Variants in CREBL2 observed in about 807,000 individuals in gnomAD.
CREBL2 encodes cAMP-responsive element-binding protein-like 2.
CREBL2 carries 4 observed loss-of-function variants against 19.5 expected under a neutral mutation model. The observed-to-expected ratio is 0.20, with a 90% CI of 0.10 to 0.47. The LOEUF (loss-of-function observed/expected upper bound fraction) is 0.47. Ranked by LOEUF, CREBL2 falls within the 20% of genes least tolerant of loss-of-function variation. CREBL2 has a pLI of 0.98. For synonymous variants in CREBL2, 42 were observed against 46.6 expected (o/e 0.90, Z 0.40); for missense variants, 85 against 145.1 (o/e 0.59, Z 2.13).
intron 1 of CREBL2, among the ~76,000 whole-genome samples, chr12:12,618,493 C>G (rs914159537): frequency 6.6e-6 from 1 of 151,924 alleles, no homozygotes; most frequent in Admixed American, 6.6e-5. Flanking sequence ...CAGAGACGCT[C>G]CTCACTTCCT....
intron 1 of CREBL2, among the ~76,000 whole-genome samples, 200 bp from the exon 2 acceptor site, chr12:12,635,577 T>C (rs1200818831): frequency 6.6e-6 from 1 of 152,176 alleles, no homozygotes; most frequent in Admixed American, 6.5e-5. Flanking sequence ...ATTTCTTCTT[T>C]CACATTCATG....
chr12:12,618,708 G>A (rs1945335615), intron 1 of CREBL2, among the ~76,000 whole-genome samples: 1 of 152,186 alleles, frequency 6.6e-6, no homozygotes, highest in South Asian at 2.1e-4. Context: ...GTAGCGAGCC[G>A]AGATCGCGCC....
At chr12:12,620,152 T>C (rs1223185720) in intron 1 of CREBL2, among the ~76,000 whole-genome samples, 1 of 152,198 alleles carries the variant, frequency 6.6e-6, no homozygotes, top group East Asian at 1.9e-4. Context: ...CAACACTTTC[T>C]AGAAGACCAA....
chr12:12,642,759 A>C lies in CREBL2; in HGVS notation c.*761A>C, dbSNP rs1437667233. ...TCCATACTTGCAGAATAATTCATCA[A>C]ATTTTATTTTTAAGTGAAAAGTAAC... On this transcript the variant is annotated 3_prime_UTR_variant, in exon 4 of 4. Coordinates refer to ENST00000228865, the MANE Select transcript of CREBL2 (RefSeq NM_001310.4). 2 of 152,236 alleles carry C rather than the reference A, an allele frequency of 1.3e-5. No individual in the cohort carries two copies. The highest frequency in any genetic ancestry group is 6.5e-5 in the Admixed American group (1 of 15,278). The allele number at this position is 152,236 out of a possible 1,614,324, so 9.4% of individuals were successfully genotyped here.
At chr12:12,615,190 T>C (rs1447380174) in intron 1 of CREBL2, among the ~76,000 whole-genome samples, 1 of 151,998 alleles carries the variant, frequency 6.6e-6, no homozygotes, top group South Asian at 2.1e-4. Flanking sequence ...AATTTTTGTA[T>C]TTTTCTTAGA....
At chr12:12,614,585 A>T (rs994689644) in intron 1 of CREBL2, 3 of 223,596 alleles carry the variant, frequency 1.3e-5, no homozygotes, top group Non-Finnish European at 2.7e-5. Context: ...CCTCCACCTC[A>T]GCCTCCCAAG....
At chr12:12,629,706 C>T (rs1196370401) in intron 1 of CREBL2, among the ~76,000 whole-genome samples, 2 of 152,098 alleles carry the variant, frequency 1.3e-5, no homozygotes, top group Non-Finnish European at 2.9e-5. Context: ...GGAAAGCATT[C>T]AGTATTCTAC....
At chr12:12,633,024 C>T (rs1237298385) in intron 1 of CREBL2, among the ~76,000 whole-genome samples, 3 of 151,534 alleles carry the variant, frequency 2.0e-5, no homozygotes, top group Non-Finnish European at 2.9e-5. Flanking sequence ...ACCTCCACCT[C>T]CCACGTTCAA....
chr12:12,632,553 C>CAGCT (rs1380963828), intron 1 of CREBL2: 1 of 152,068 alleles, frequency 6.6e-6, no homozygotes, highest in East Asian at 1.9e-4. Flanking sequence ...GTCTCAAAAG[C>CAGCT]AGCTACTCCT....
intron 3 of CREBL2, 71 bp downstream of exon 3, chr12:12,637,785 A>G: frequency 2.0e-6 from 3 of 1,465,592 alleles, no homozygotes; most frequent in Non-Finnish European, 2.7e-6. Flanking sequence ...TCATGACTGT[A>G]ATCCTAGCAC....
chr12:12,635,415 A>G (rs1183240371), intron 1 of CREBL2, among the ~76,000 whole-genome samples: 2 of 151,678 alleles, frequency 1.3e-5, no homozygotes. Flanking sequence ...TTTAGTAGAC[A>G]TTTTTCTTAT....
chr12:12,614,653 G>C (rs1018413886), intron 1 of CREBL2: 1 of 290,712 alleles, frequency 3.4e-6, no homozygotes, highest in Non-Finnish European at 6.7e-6. Context: ...AGAGATGAGG[G>C]TCTCACTGGC....
At chr12:12,612,288 A>G in intron 1 of CREBL2, 101 bp downstream of exon 1, 1 of 1,596,006 alleles carries the variant, frequency 6.3e-7, no homozygotes, top group South Asian at 1.1e-5. Flanking sequence ...CCCAAGAGAC[A>G]CCTGCCTAAA....
At chr12:12,638,370 G>A (rs1421216048) in intron 3 of CREBL2, among the ~76,000 whole-genome samples, 1 of 152,138 alleles carries the variant, frequency 6.6e-6, no homozygotes, top group Non-Finnish European at 1.5e-5. Flanking sequence ...CTGGGAAATG[G>A]AGGTTGCAGT....
At position 12,644,146 on chromosome 12, in the gene CREBL2, A is replaced by G. The variant is rs1196352158; in HGVS notation, c.*2148A>G. The stretch of plus-strand genomic sequence containing the variant: ...AGCAGGGAAGAGCAGTAGAGGATGT[A>G]TAATTTTGGGCGAAGTTAAATTACA... On this transcript the variant is annotated 3_prime_UTR_variant, in exon 4 of 4. Coordinates refer to ENST00000228865, the MANE Select transcript of CREBL2 (RefSeq NM_001310.4). The G allele has an allele frequency of 6.6e-6, 1 of 152,576 alleles. No individual in the cohort carries two copies. The highest frequency in any genetic ancestry group is 2.4e-5 in the African/African-American group (1 of 41,454). The allele number at this position is 152,576 out of a possible 1,614,324, so 9.5% of individuals were successfully genotyped here.
intron 1 of CREBL2, among the ~76,000 whole-genome samples, chr12:12,624,246 G>A (rs1227793909): frequency 1.3e-5 from 2 of 152,216 alleles, no homozygotes; most frequent in East Asian, 3.8e-4. Context: ...TAATGATCAG[G>A]TATTACTTTT....
At chr12:12,623,908 C>T (rs968635857) in intron 1 of CREBL2, among the ~76,000 whole-genome samples, 6 of 152,250 alleles carry the variant, frequency 3.9e-5, no homozygotes, top group South Asian at 2.1e-4. Context: ...GAGGAAGCAG[C>T]GTGACCACTG....
At chr12:12,626,662 C>CT (rs752880229) in intron 1 of CREBL2, among the ~76,000 whole-genome samples, 2 of 152,096 alleles carry the variant, frequency 1.3e-5, no homozygotes, top group Non-Finnish European at 2.9e-5. Context: ...TCATCACTAT[C>CT]TAATTCCAGA....
Position 12,644,112 on chromosome 12 carries a change from C to G in CREBL2, c.*2114C>G, listed in dbSNP as rs1945546623. The G allele has an allele frequency of 6.6e-6, 1 of 152,572 alleles. No homozygotes were observed. The highest frequency in any genetic ancestry group is 2.1e-4 in the South Asian group (1 of 4,828). 9.5% of individuals were successfully genotyped at this position (152,572 alleles called of 1,614,324 possible). A position where few individuals can be genotyped will look rare whatever the true frequency, so the allele number is the denominator to read the frequency against. On this transcript the variant is annotated 3_prime_UTR_variant, in exon 4 of 4. Coordinates refer to ENST00000228865, the MANE Select transcript of CREBL2 (RefSeq NM_001310.4). ...GAGCTTTCTCCCCTCCCGCTAGTATCTTTACAGGAGCAGGGAAGAGCAGTA... is the reference window on the plus strand; with the variant it reads ...GAGCTTTCTCCCCTCCCGCTAGTATGTTTACAGGAGCAGGGAAGAGCAGTA...
Sources: allele counts gnomAD v4.1 joint callset (sites outside exome capture counted in the v4.1 genomes callset), GRCh38; gene constraint gnomAD v4.1.1; transcripts MANE v1.5; gene names NCBI Gene and HGNC (gene_info 2026-07-23, HGNC 2026-07-21).